The following RPS6KC1 variants were observed in gnomAD, a reference collection of about 807,000 sequenced individuals.
RPS6KC1 encodes the protein inactive ribosomal protein S6 kinase delta-1.
In RPS6KC1, 54 loss-of-function variants were observed where a neutral mutation model predicts 103.8. That is an observed-to-expected ratio of 0.52 (90% CI 0.42 to 0.65). The LOEUF (loss-of-function observed/expected upper bound fraction) is 0.65. Ranked by LOEUF, RPS6KC1 falls within the 30% of genes least tolerant of loss-of-function variation. The probability of loss-of-function intolerance (pLI) is 0.00; values close to 1 mark genes in which losing one functional copy is unlikely to be tolerated. For synonymous variants in RPS6KC1, 439 were observed against 438.7 expected, an observed-to-expected ratio of 1.00 and a Z score of -0.01; for missense variants, 1,151 against 1,253.8, an observed-to-expected ratio of 0.92 and a Z score of 1.24.
the RPS6KC1 span, among the ~76,000 whole-genome samples, chr1:213,544,516 A>G: frequency 3.9e-3 from 598 of 152,320 alleles, 4 homozygotes; most frequent in African/African-American, 0.013. Context: ...CTGGAGGTCC[A>G]GGATCCAGTC....
chr1:213,151,148 G>A (rs1572857809), intron 6 of RPS6KC1, among the ~76,000 whole-genome samples: 1 of 148,056 alleles, frequency 6.8e-6, no homozygotes, highest in East Asian at 2.1e-4. Flanking sequence ...CTCCCGGATG[G>A]GGCGGCTGGC....
At chr1:213,072,267 A>T (rs1163566315) in intron 2 of RPS6KC1, among the ~76,000 whole-genome samples, 1 of 152,100 alleles carries the variant, frequency 6.6e-6, no homozygotes, top group Non-Finnish European at 1.5e-5. Flanking sequence ...ACTGTTTGGT[A>T]CTGGTTGATA....
downstream of RPS6KC1, among the ~76,000 whole-genome samples, chr1:213,275,724 GA>G (rs2095111220): frequency 6.6e-6 from 1 of 152,102 alleles, no homozygotes; most frequent in Non-Finnish European, 1.5e-5. Flanking sequence ...TTTGTGGTGA[GA>G]ACATTTAAAA....
At chr1:213,769,870 G>A in the RPS6KC1 span, among the ~76,000 whole-genome samples, 1 of 152,162 alleles carries the variant, frequency 6.6e-6, no homozygotes, top group Non-Finnish European at 1.5e-5. Context: ...AGCTGACCGG[G>A]TGTTGATAAA....
intron 5 of RPS6KC1, among the ~76,000 whole-genome samples, chr1:213,122,862 T>C (rs1357831680): frequency 6.6e-6 from 1 of 152,098 alleles, no homozygotes; most frequent in African/African-American, 2.4e-5. Context: ...AGGTCATTTT[T>C]TCCCCCCAAG....
At chr1:213,182,163 C>T (rs1286551976) in intron 8 of RPS6KC1, among the ~76,000 whole-genome samples, 1 of 152,078 alleles carries the variant, frequency 6.6e-6, no homozygotes, top group Non-Finnish European at 1.5e-5. Flanking sequence ...ATAACTAGAG[C>T]AACCACTAAA....
At chr1:213,695,268 C>A in the RPS6KC1 span, among the ~76,000 whole-genome samples, 1 of 152,170 alleles carries the variant, frequency 6.6e-6, no homozygotes, top group Non-Finnish European at 1.5e-5. Context: ...GCACAGTGTT[C>A]AATGATGCCT....
At chr1:213,280,874 T>G in the RPS6KC1 span, among the ~76,000 whole-genome samples, 4 of 152,352 alleles carry the variant, frequency 2.6e-5, no homozygotes, top group South Asian at 8.3e-4. Flanking sequence ...TTCATCTGTC[T>G]CTATGCTGTG....
the RPS6KC1 span, among the ~76,000 whole-genome samples, chr1:213,569,652 A>G: frequency 3.9e-5 from 6 of 152,190 alleles, no homozygotes; most frequent in Non-Finnish European, 8.8e-5. Context: ...GGTCTTAGGA[A>G]CAAGAAATGA....
downstream of RPS6KC1, among the ~76,000 whole-genome samples, chr1:213,275,052 A>G (rs1383768237): frequency 6.6e-6 from 1 of 152,216 alleles, no homozygotes; most frequent in Non-Finnish European, 1.5e-5. Flanking sequence ...TCATATAAGC[A>G]GAATCATACA....
chr1:213,114,614 A>G (rs2083384848), intron 4 of RPS6KC1, among the ~76,000 whole-genome samples: 2 of 151,082 alleles, frequency 1.3e-5, no homozygotes, highest in Non-Finnish European at 3.0e-5. Flanking sequence ...GTGGTGAGAG[A>G]GGGCATCCCT....
the RPS6KC1 span, among the ~76,000 whole-genome samples, chr1:213,642,766 T>G: frequency 6.6e-6 from 1 of 152,038 alleles, no homozygotes; most frequent in East Asian, 1.9e-4. Flanking sequence ...AACAGACTTT[T>G]TAACTCCAAG....
chr1:213,204,368 G>T (rs1051324717), intron 8 of RPS6KC1, among the ~76,000 whole-genome samples: 1 of 152,036 alleles, frequency 6.6e-6, no homozygotes, highest in Non-Finnish European at 1.5e-5. Context: ...TTTATGGTTT[G>T]CCTTTGATGC....
At chr1:213,292,886 A>G in the RPS6KC1 span, among the ~76,000 whole-genome samples, 1 of 152,346 alleles carries the variant, frequency 6.6e-6, no homozygotes, top group Non-Finnish European at 1.5e-5. Context: ...AAAAGGAGAA[A>G]AAGAAAGAAA....
At chr1:213,094,713 G>T (rs2081297327) in intron 3 of RPS6KC1, among the ~76,000 whole-genome samples, 1 of 152,182 alleles carries the variant, frequency 6.6e-6, no homozygotes, top group South Asian at 2.1e-4. Context: ...CAATTAGGCT[G>T]TGGTGTTCTC....
At chr1:213,250,622 A>T (rs1453893090) in intron 12 of RPS6KC1, among the ~76,000 whole-genome samples, 1 of 152,054 alleles carries the variant, frequency 6.6e-6, no homozygotes, top group Non-Finnish European at 1.5e-5. Context: ...GTCTGACTTG[A>T]CTCATTTCAA....
At chr1:213,859,508 C>T in the RPS6KC1 span, among the ~76,000 whole-genome samples, 12 of 152,144 alleles carry the variant, frequency 7.9e-5, no homozygotes, top group South Asian at 2.1e-4. Flanking sequence ...ATTGTAAAGA[C>T]GCACCTCTGC....
At chr1:213,291,215 T>C in the RPS6KC1 span, among the ~76,000 whole-genome samples, 1 of 152,210 alleles carries the variant, frequency 6.6e-6, no homozygotes, top group Non-Finnish European at 1.5e-5. Context: ...TCATGTATGA[T>C]GCAGGGCTTA....
At chr1:213,466,616 A>G in the RPS6KC1 span, among the ~76,000 whole-genome samples, 1 of 152,202 alleles carries the variant, frequency 6.6e-6, no homozygotes, top group Non-Finnish European at 1.5e-5. Context: ...ATGCAGAGAA[A>G]TGAATGGATG....
Sources: allele counts gnomAD v4.1 joint callset (sites outside exome capture counted in the v4.1 genomes callset), GRCh38; gene constraint gnomAD v4.1.1; transcripts MANE v1.5; gene names NCBI Gene and HGNC (gene_info 2026-07-23, HGNC 2026-07-21).